Variants in SHROOM2 observed in about 807,000 individuals in gnomAD.
SHROOM2 encodes shroom family member 2, also known as protein Shroom2.
SHROOM2 carries 33 observed loss-of-function variants against 75.9 expected under a neutral mutation model. That is an observed-to-expected ratio of 0.43 (90% CI 0.33 to 0.58). The LOEUF (loss-of-function observed/expected upper bound fraction) is 0.58. Ranked by LOEUF, SHROOM2 falls within the 20% of genes least tolerant of loss-of-function variation. SHROOM2 has a pLI of 0.04. For missense variants in SHROOM2, 1,434 were observed against 1,461.2 expected, an observed-to-expected ratio of 0.98 and a Z score of 0.30; for synonymous variants, 655 against 663.6, an observed-to-expected ratio of 0.99 and a Z score of 0.20.
chrX:9,878,554 C>G (rs1385483556), intron 2 of SHROOM2, among the ~76,000 whole-genome samples: 1 of 112,246 alleles, frequency 8.9e-6, no homozygotes, highest in African/African-American at 3.2e-5. Flanking sequence ...GCCCTGACTG[C>G]TGCTCCAAGC....
At chrX:9,794,126 G>C in intron 1 of SHROOM2, among the ~76,000 whole-genome samples, 1 of 111,625 alleles carries the variant, frequency 9.0e-6, no homozygotes, top group South Asian at 3.8e-4. Context: ...TGAGTCTGGG[G>C]GTACATACTG....
At chrX:9,907,561 G>C (rs1029838231) in intron 5 of SHROOM2, among the ~76,000 whole-genome samples, 17 of 111,427 alleles carry the variant, frequency 1.5e-4, no homozygotes, top group African/African-American at 5.2e-4. Context: ...GGGTTGAGGG[G>C]TCTAGGTCAG....
chrX:9,794,739 G>A (rs1412664356), intron 1 of SHROOM2, among the ~76,000 whole-genome samples: 1 of 112,112 alleles, frequency 8.9e-6, no homozygotes, highest in East Asian at 2.8e-4. Context: ...TCTGGCCCCA[G>A]CCAGTGTACC....
intron 2 of SHROOM2, among the ~76,000 whole-genome samples, chrX:9,888,236 G>GTTCCTCAGTCC (rs1555933246): frequency 9.0e-6 from 1 of 111,129 alleles, no homozygotes; most frequent in African/African-American, 3.3e-5. Flanking sequence ...TGCTGGCTGG[G>GTTCCTCAGTCC]TTCCTCAGTC....
chrX:9,929,489 G>A (rs956518554), intron 5 of SHROOM2, among the ~76,000 whole-genome samples: 23 of 111,248 alleles, frequency 2.1e-4, no homozygotes, highest in African/African-American at 5.2e-4. Context: ...CTTCTGATTA[G>A]GAGAGAAGCC....
intron 2 of SHROOM2, among the ~76,000 whole-genome samples, chrX:9,885,693 G>A (rs141148886): frequency 4.4e-3 from 493 of 111,458 alleles, no homozygotes; most frequent in African/African-American, 0.015. Context: ...AGGGGCTCAC[G>A]CCTGTAATCC....
At chrX:9,828,901 C>A (rs1335272341) in intron 1 of SHROOM2, among the ~76,000 whole-genome samples, 2 of 112,779 alleles carry the variant, frequency 1.8e-5, no homozygotes, top group African/African-American at 6.4e-5. Context: ...ATAGCGCTAT[C>A]TTTGAGTTAG....
At chrX:9,792,109 T>A (rs1265302648) in intron 1 of SHROOM2, among the ~76,000 whole-genome samples, 8 of 18,376 alleles carry the variant, frequency 4.4e-4, no homozygotes, top group Admixed American at 1.1e-3. Context: ...TAGAATAGAA[T>A]AGAATAGAAT....
At chrX:9,804,908 C>T (rs1230002739) in intron 1 of SHROOM2, among the ~76,000 whole-genome samples, 1 of 110,913 alleles carries the variant, frequency 9.0e-6, no homozygotes, top group Non-Finnish European at 1.9e-5. Flanking sequence ...TCCCGTGTCA[C>T]CAAGTCACAT....
intron 2 of SHROOM2, among the ~76,000 whole-genome samples, chrX:9,882,660 A>T (rs2084238706): frequency 1.8e-5 from 2 of 111,238 alleles, no homozygotes; most frequent in South Asian, 7.6e-4. Flanking sequence ...CTGCCATAGG[A>T]CCCAGGTTGA....
chrX:9,797,149 G>A (rs1360905340), intron 1 of SHROOM2, among the ~76,000 whole-genome samples: 3 of 112,257 alleles, frequency 2.7e-5, no homozygotes, highest in Non-Finnish European at 5.6e-5. Context: ...AGACACTGTT[G>A]GGCCACATTT....
At chrX:9,808,628 A>G (rs948362312) in intron 1 of SHROOM2, among the ~76,000 whole-genome samples, 3 of 109,958 alleles carry the variant, frequency 2.7e-5, no homozygotes, top group Non-Finnish European at 5.7e-5. Context: ...TTGGGAGGCC[A>G]AGGTGGGTGG....
intron 1 of SHROOM2, among the ~76,000 whole-genome samples, chrX:9,801,054 T>C (rs972056136): frequency 8.0e-5 from 9 of 111,804 alleles, no homozygotes; most frequent in African/African-American, 2.9e-4. Context: ...AGAGGTTTAA[T>C]GGACTCACAG....
chrX:9,835,257 G>C (rs1425663841), intron 1 of SHROOM2, among the ~76,000 whole-genome samples: 1 of 112,270 alleles, frequency 8.9e-6, no homozygotes, highest in African/African-American at 3.2e-5. Context: ...CAGGAAGAAA[G>C]GGCCAGTTGA....
At chrX:9,796,792 T>A (rs2083697373) in intron 1 of SHROOM2, among the ~76,000 whole-genome samples, 1 of 110,721 alleles carries the variant, frequency 9.0e-6, no homozygotes, top group Admixed American at 9.7e-5. Flanking sequence ...TACAGGCACA[T>A]GCCACCTCAT....
At chrX:9,792,159 T>TAAATGAAAAAAGAAAAGAA (rs1240744489) in intron 1 of SHROOM2, among the ~76,000 whole-genome samples, 1 of 7,413 alleles carries the variant, frequency 1.3e-4, no homozygotes, top group African/African-American at 3.3e-4. Flanking sequence ...TAGAATAGAA[T>TAAATGAAAAAAGAAAAGAA]AATCACCAGT....
intron 5 of SHROOM2, among the ~76,000 whole-genome samples, chrX:9,900,903 A>G (rs1376857167): frequency 9.2e-6 from 1 of 109,157 alleles, no homozygotes. Context: ...CTCAGGCATC[A>G]TAGCCAGCTG....
chrX:9,947,498 G>A lies in SHROOM2; in HGVS notation c.*561G>A, dbSNP rs2084832539. 1 of 112,931 alleles carries A rather than the reference G, an allele frequency of 8.9e-6. No homozygotes were observed. Among genetic ancestry groups the A allele is most frequent in the Non-Finnish European group, 1.9e-5 (1 of 53,885 alleles). The allele number at this position is 112,931 out of a possible 1,213,427, so 9.3% of individuals were successfully genotyped here. A position where few individuals can be genotyped will look rare whatever the true frequency, so the allele number is the denominator to read the frequency against. The stretch of plus-strand genomic sequence containing the variant: ...ATGATGATAATTTATTAACTTTTTG[G>A]AAGGGTGAATAGTTTCCTAATGGTT... On this transcript the variant is annotated 3_prime_UTR_variant, in exon 10 of 10. Transcript: ENST00000380913.
Position 9,789,962 on chromosome X carries a change from C to T in SHROOM2, c.165+3252C>T, listed in dbSNP as rs141675125. On this transcript the variant is annotated intron_variant, in intron 1 of 9. Coordinates refer to ENST00000380913, the MANE Select transcript of SHROOM2 (RefSeq NM_001649.4). Reference sequence around the variant, plus strand: ...GCGACAAGACTGCTGTGGTCTGGGACGCTTGGAGGTCCCCCCCACCTGACT... The same window carrying T: ...GCGACAAGACTGCTGTGGTCTGGGATGCTTGGAGGTCCCCCCCACCTGACT... Among the ~76,000 whole-genome samples the T allele has an allele frequency of 5.9e-3, 248 of 42,269 alleles. 1 individual carries two copies. The highest frequency in any genetic ancestry group is 0.019 in the African/African-American group (237 of 12,598). The allele number at this position is 42,269 out of a possible 115,157, so 36.7% of individuals were successfully genotyped here.
Sources: allele counts gnomAD v4.1 joint callset (sites outside exome capture counted in the v4.1 genomes callset), GRCh38; gene constraint gnomAD v4.1.1; transcripts MANE v1.5; gene names NCBI Gene and HGNC (gene_info 2026-07-23, HGNC 2026-07-21).